The following DOCK1 variants were observed in gnomAD, a reference collection of about 807,000 sequenced individuals.
DOCK1 encodes dedicator of cytokinesis protein 1.
DOCK1 carries 138 observed loss-of-function variants against 262.7 expected under a neutral mutation model. That is an observed-to-expected ratio of 0.53 (90% CI 0.46 to 0.61). DOCK1 has a LOEUF of 0.61. Among genes scored for constraint, DOCK1 ranks in the 20% least tolerant of loss-of-function variants. The probability of loss-of-function intolerance (pLI) is 0.00; values close to 1 mark genes in which losing one functional copy is unlikely to be tolerated. For synonymous variants in DOCK1, 866 were observed against 867.4 expected (o/e 1.00, Z 0.03); for missense variants, 1,908 against 2,370.7 (o/e 0.80, Z 4.05).
chr10:127,216,309 TAAA>T (rs57559331), intron 27 of DOCK1, among the ~76,000 whole-genome samples: 24 of 141,268 alleles, frequency 1.7e-4, no homozygotes, highest in East Asian at 2.1e-4. Context: ...GATAATTTAG[TAAA>T]AAAAAAAAAA....
intron 27 of DOCK1, among the ~76,000 whole-genome samples, chr10:127,140,416 C>T (rs546112202): frequency 3.9e-5 from 6 of 152,288 alleles, no homozygotes; most frequent in Non-Finnish European, 5.9e-5. Context: ...CACTTGGAAA[C>T]GCCTGCCAGC....
chr10:127,136,930 C>G (rs1320472721), intron 27 of DOCK1: 2 of 152,628 alleles, frequency 1.3e-5, no homozygotes, highest in Admixed American at 6.5e-5. Context: ...AAAACACTGT[C>G]TGCCATGGCA....
intron 27 of DOCK1, among the ~76,000 whole-genome samples, chr10:127,203,831 T>G (rs927142223): frequency 6.6e-6 from 1 of 152,142 alleles, no homozygotes; most frequent in Non-Finnish European, 1.5e-5. Flanking sequence ...TCTCATATAT[T>G]AGTCCACTAA....
chr10:127,045,532 G>C (rs1359805497), intron 21 of DOCK1, among the ~76,000 whole-genome samples: 1 of 152,194 alleles, frequency 6.6e-6, no homozygotes, highest in Non-Finnish European at 1.5e-5. Context: ...GTAGGTACAG[G>C]CTTACTTTAG....
At chr10:127,046,733 C>T (rs1469963601) in intron 21 of DOCK1, among the ~76,000 whole-genome samples, 1 of 141,156 alleles carries the variant, frequency 7.1e-6, no homozygotes, top group Non-Finnish European at 1.5e-5. Flanking sequence ...TGCACTCCAG[C>T]CTGGGCAGAG....
chr10:126,959,295 G>C (rs980903027), intron 1 of DOCK1, among the ~76,000 whole-genome samples: 1 of 152,106 alleles, frequency 6.6e-6, no homozygotes, highest in Non-Finnish European at 1.5e-5. Context: ...ACAGATACAA[G>C]TTTTCCCCCA....
intron 29 of DOCK1, among the ~76,000 whole-genome samples, chr10:127,280,974 C>T (rs1021739815): frequency 3.3e-5 from 5 of 152,138 alleles, no homozygotes; most frequent in African/African-American, 4.8e-5. Context: ...TTTAGTTTAG[C>T]GAGTTACTCC....
intron 27 of DOCK1, among the ~76,000 whole-genome samples, chr10:127,238,562 C>A (rs74158637): frequency 0.053 from 8,022 of 152,192 alleles, 372 homozygotes; most frequent in African/African-American, 0.12. Flanking sequence ...CCTGCCACGT[C>A]GCCTATATGT....
At chr10:127,230,813 C>G (rs1318646016) in intron 27 of DOCK1, among the ~76,000 whole-genome samples, 1 of 151,428 alleles carries the variant, frequency 6.6e-6, no homozygotes. Context: ...GTTCCAAACC[C>G]ATCTTAGAAT....
intron 25 of DOCK1, among the ~76,000 whole-genome samples, chr10:127,120,449 T>C (rs891579665): frequency 2.6e-5 from 4 of 152,232 alleles, no homozygotes; most frequent in African/African-American, 7.2e-5. Flanking sequence ...ATTTTAGCAA[T>C]GTATTTTGTC....
chr10:127,223,535 C>T (rs1356466002), intron 27 of DOCK1, among the ~76,000 whole-genome samples: 1 of 152,104 alleles, frequency 6.6e-6, no homozygotes, highest in East Asian at 1.9e-4. Context: ...CTTATTGGAG[C>T]ATTTTGGATT....
chr10:126,994,506 G>T (rs1467158868), intron 6 of DOCK1, among the ~76,000 whole-genome samples: 1 of 152,144 alleles, frequency 6.6e-6, no homozygotes, highest in African/African-American at 2.4e-5. Flanking sequence ...CTTGAGATTA[G>T]GGAGTGGTGG....
At chr10:127,131,133 T>A (rs1324783712) in intron 27 of DOCK1, among the ~76,000 whole-genome samples, 1 of 152,182 alleles carries the variant, frequency 6.6e-6, no homozygotes, top group Non-Finnish European at 1.5e-5. Context: ...TTGCATGTTC[T>A]AAGAAGGGGG....
chr10:127,233,887 G>A (rs75429128), intron 27 of DOCK1, among the ~76,000 whole-genome samples: 1,566 of 152,032 alleles, frequency 0.01, 27 homozygotes, highest in African/African-American at 0.036. Flanking sequence ...ATGTGATTTC[G>A]GCTGCTCCAT....
chr10:127,055,181 A>G (rs188054864), intron 22 of DOCK1, among the ~76,000 whole-genome samples: 57 of 152,072 alleles, frequency 3.7e-4, no homozygotes, highest in African/African-American at 1.1e-3. Flanking sequence ...TTTTAGTCAC[A>G]TAATGTGCAG....
chr10:127,337,581 A>G (rs1365251784), intron 29 of DOCK1, among the ~76,000 whole-genome samples: 1 of 152,156 alleles, frequency 6.6e-6, no homozygotes, highest in Non-Finnish European at 1.5e-5. Flanking sequence ...CGGCTGAGGA[A>G]TGTTGCTGCC....
intron 27 of DOCK1, among the ~76,000 whole-genome samples, chr10:127,173,527 G>A (rs2054778807): frequency 6.6e-6 from 1 of 151,980 alleles, no homozygotes; most frequent in Non-Finnish European, 1.5e-5. Flanking sequence ...TTCTTCTTTG[G>A]GCACACACTC....
intron 1 of DOCK1, among the ~76,000 whole-genome samples, chr10:126,921,224 A>C (rs1304733299): frequency 6.6e-6 from 1 of 151,758 alleles, no homozygotes; most frequent in Non-Finnish European, 1.5e-5. Flanking sequence ...AAAAAAGTTC[A>C]AACAAGTAGT....
chr10:127,421,964 C>A (rs1486627138), intron 46 of DOCK1, among the ~76,000 whole-genome samples: 1 of 152,102 alleles, frequency 6.6e-6, no homozygotes, highest in Non-Finnish European at 1.5e-5. Context: ...GCTCAAGTCC[C>A]TGCTTTCAAT....
Sources: gnomAD v4.1 joint callset for allele counts (sites outside exome capture counted in the v4.1 genomes callset) on GRCh38, gnomAD v4.1.1 for gene constraint, MANE v1.5 for transcripts, NCBI Gene and HGNC (gene_info 2026-07-23, HGNC 2026-07-21) for gene names.